Variants in SEMA6D observed in about 807,000 individuals in gnomAD.
SEMA6D encodes the protein semaphorin 6D.
In SEMA6D, 35 loss-of-function variants were observed where a neutral mutation model predicts 106.6. The observed-to-expected ratio is 0.33, with a 90% confidence interval of 0.25 to 0.44. The LOEUF (loss-of-function observed/expected upper bound fraction) is 0.44, where lower values mean the gene tolerates loss of function less well. SEMA6D is among the 20% of genes least tolerant of loss of function. The probability of loss-of-function intolerance (pLI) is 1.00; values close to 1 mark genes in which losing one functional copy is unlikely to be tolerated. For synonymous variants in SEMA6D, 499 were observed against 487.7 expected (o/e 1.02, Z -0.31); for missense variants, 1,185 against 1,345.9 (o/e 0.88, Z 1.87).
At chr15:47,630,983 G>C (rs2077284125) in intron 4 of SEMA6D, among the ~76,000 whole-genome samples, 1 of 151,718 alleles carries the variant, frequency 6.6e-6, no homozygotes, top group African/African-American at 2.4e-5. Flanking sequence ...TTTATACATT[G>C]CTGGATTTGA....
intron 1 of SEMA6D, among the ~76,000 whole-genome samples, chr15:47,314,666 T>TA (rs1195919048): frequency 2.0e-5 from 3 of 148,724 alleles, no homozygotes; most frequent in Non-Finnish European, 4.5e-5. Flanking sequence ...TTTAATCAGA[T>TA]ACTTCTTTTG....
intron 1 of SEMA6D, among the ~76,000 whole-genome samples, chr15:47,320,884 G>A (rs2036897792): frequency 6.6e-6 from 1 of 152,034 alleles, no homozygotes. Flanking sequence ...TTCCTTGAGA[G>A]TAGAGAGAGT....
chr15:47,227,081 A>C (rs2031730944), intron 1 of SEMA6D, among the ~76,000 whole-genome samples: 1 of 152,096 alleles, frequency 6.6e-6, no homozygotes, highest in African/African-American at 2.4e-5. Flanking sequence ...ACAAAAAGCA[A>C]AGTGATCAGG....
upstream of SEMA6D, among the ~76,000 whole-genome samples, chr15:47,714,123 TC>T (rs1195877150): frequency 2.0e-5 from 3 of 152,258 alleles, no homozygotes; most frequent in African/African-American, 7.2e-5. Flanking sequence ...TTATCCCAAG[TC>T]ACAAGTCTAG....
At chr15:47,196,787 T>C (rs898405871) in intron 1 of SEMA6D, among the ~76,000 whole-genome samples, 5 of 152,166 alleles carry the variant, frequency 3.3e-5, no homozygotes, top group African/African-American at 1.2e-4. Flanking sequence ...ATGCGAAACA[T>C]GTTAGAAAGA....
chr15:47,410,477 C>T (rs2040753083), intron 1 of SEMA6D, among the ~76,000 whole-genome samples: 1 of 152,160 alleles, frequency 6.6e-6, no homozygotes, highest in Non-Finnish European at 1.5e-5. Flanking sequence ...AATGTTATAG[C>T]TGTTGTTCCT....
At chr15:47,453,863 G>A (rs922578193) in intron 2 of SEMA6D, among the ~76,000 whole-genome samples, 11 of 151,808 alleles carry the variant, frequency 7.2e-5, no homozygotes, top group African/African-American at 2.2e-4. Context: ...CAAACACCTC[G>A]AAAAAGGAGC....
rs1390052401 is a variant in SEMA6D at position 47,768,640 on chromosome 15, A to C, written c.1825A>C (p.Lys609Gln). Residue 609 changes from lysine to glutamine, a missense_variant, in exon 18 of 19, where the codon AAA becomes CAA. By Grantham distance (53) the Lys-to-Gln change is moderately conservative. Coordinates refer to ENST00000536845, the MANE Select transcript of SEMA6D (RefSeq NM_001358351.3). ...GGCAAGTATCCCAGAAATCACACCTAAAGTGATTGATACCTGGAGACCTAA... is the reference window on the plus strand; with the variant it reads ...GGCAAGTATCCCAGAAATCACACCTCAAGTGATTGATACCTGGAGACCTAA... The part of the protein sequence containing the change: ...TMASIPEITP[K>Q]VIDTWRPKLT... 6.2e-7 allele frequency: 1 copy of C among 1,613,398 alleles called. No homozygotes were observed. Among genetic ancestry groups the C allele is most frequent in the Non-Finnish European group, 8.5e-7 (1 of 1,179,430 alleles).
chr15:47,392,734 A>AC (rs2040080567), intron 1 of SEMA6D, among the ~76,000 whole-genome samples: 1 of 152,140 alleles, frequency 6.6e-6, no homozygotes, highest in Non-Finnish European at 1.5e-5. Context: ...ACTTTGTGAT[A>AC]ATTTTTTATG....
At chr15:47,718,516 C>G (rs1056693835) in intron 1 of SEMA6D, 1 of 146,188 alleles carries the variant, frequency 6.8e-6, no homozygotes, top group Non-Finnish European at 1.6e-5. Flanking sequence ...TCCCTCTCCC[C>G]TTACTGGCAG....
At chr15:47,738,755 G>A (rs1436070366) in intron 1 of SEMA6D, among the ~76,000 whole-genome samples, 3 of 152,122 alleles carry the variant, frequency 2.0e-5, no homozygotes, top group South Asian at 4.1e-4. Flanking sequence ...AAACTACCAC[G>A]ATCATTTGTT....
chr15:47,360,508 T>C (rs974188153), intron 1 of SEMA6D, among the ~76,000 whole-genome samples: 17 of 152,232 alleles, frequency 1.1e-4, no homozygotes, highest in Non-Finnish European at 1.9e-4. Context: ...TTAATGGCTA[T>C]CATACTGAAT....
At chr15:47,512,957 A>G (rs2044276634) in intron 3 of SEMA6D, among the ~76,000 whole-genome samples, 1 of 152,210 alleles carries the variant, frequency 6.6e-6, no homozygotes, top group African/African-American at 2.4e-5. Context: ...AGCACAAACC[A>G]AGGCAGGCCT....
chr15:47,299,222 AC>A (rs1225305483), intron 1 of SEMA6D, among the ~76,000 whole-genome samples: 4 of 152,166 alleles, frequency 2.6e-5, no homozygotes, highest in Admixed American at 6.5e-5. Context: ...CCGACAAGAC[AC>A]ACCATTGCTT....
At chr15:47,751,557 C>G (rs2081436644) in intron 1 of SEMA6D, among the ~76,000 whole-genome samples, 1 of 152,144 alleles carries the variant, frequency 6.6e-6, no homozygotes, top group Non-Finnish European at 1.5e-5. Context: ...AGTTCCACCC[C>G]CTCTTCTTCC....
At chr15:47,712,304 G>C (rs1029753831) in intron 4 of SEMA6D, among the ~76,000 whole-genome samples, 1 of 152,072 alleles carries the variant, frequency 6.6e-6, no homozygotes, top group African/African-American at 2.4e-5. Context: ...TTTAAAACTT[G>C]TGCTTATATC....
At position 47,771,626 on chromosome 15, in the gene SEMA6D, G is replaced by C; in HGVS notation, c.3063G>C (p.Leu1021=). 6.2e-7 allele frequency: 1 copy of C among 1,614,102 alleles called. No homozygotes were observed. Among genetic ancestry groups the C allele is most frequent in the Non-Finnish European group, 8.5e-7 (1 of 1,179,984 alleles). ...YIQGTPVSVH[L]QPSLSRQSSY... ...AGGGAACACCAGTGAGTGTTCATCT[G>C]CAGCCTTCCCTCTCCAGACAGAGCA... The change falls in exon 19 of 19, where the codon CTG becomes CTC. Residue 1021 remains leucine, a synonymous_variant. Transcript: ENST00000536845.
At chr15:47,261,602 A>G (rs1012722257) in intron 1 of SEMA6D, among the ~76,000 whole-genome samples, 1 of 152,154 alleles carries the variant, frequency 6.6e-6, no homozygotes, top group African/African-American at 2.4e-5. Context: ...CCATAACCAC[A>G]GTTGATTTTA....
At chr15:47,611,247 T>A (rs1430696362) in intron 4 of SEMA6D, among the ~76,000 whole-genome samples, 1 of 152,102 alleles carries the variant, frequency 6.6e-6, no homozygotes, top group Admixed American at 6.6e-5. Flanking sequence ...GAATCTGTGC[T>A]ACAGATACCA....
Sources: allele counts gnomAD v4.1 joint callset (sites outside exome capture counted in the v4.1 genomes callset), GRCh38; gene constraint gnomAD v4.1.1; transcripts MANE v1.5; gene names NCBI Gene and HGNC (gene_info 2026-07-23, HGNC 2026-07-21).